ZNF33A: variants seen among roughly 807,000 people sequenced by gnomAD.
ZNF33A encodes brain my041 protein.
ZNF33A carries 9 observed loss-of-function variants against 15.9 expected under a neutral mutation model. The observed-to-expected ratio is 0.57, with a 90% CI of 0.34 to 0.99. The LOEUF (loss-of-function observed/expected upper bound fraction) is 0.99. ZNF33A is among the 50% of genes least tolerant of loss of function. The pLI, the probability that ZNF33A is intolerant of heterozygous loss-of-function variation, is 0.02. For synonymous variants in ZNF33A, 294 were observed against 324.2 expected (o/e 0.91, Z 1.00); for missense variants, 843 against 941.6 (o/e 0.90, Z 1.37).
intron 4 of ZNF33A, among the ~76,000 whole-genome samples, chr10:38,047,305 T>C (rs2065989300): frequency 6.9e-6 from 1 of 144,296 alleles, no homozygotes; most frequent in Non-Finnish European, 1.5e-5. Flanking sequence ...GCCATCCAAA[T>C]GAAACAGAGA....
chr10:38,054,448 C>T lies in ZNF33A; in HGVS notation c.324C>T (p.Phe108=). 4.3e-6 allele frequency: 7 copies of T among 1,609,280 alleles called. No homozygotes were observed. The highest frequency in any genetic ancestry group is 5.1e-6 in the Non-Finnish European group (6 of 1,178,534). ...NQSKHLWEVV[F]INNEMLTKEQ... is the part of the protein sequence containing the mutation. ...CTAAACATTTGTGGGAAGTTGTATT[C>T]ATCAATAATGAAATGCTGACTAAGG... Residue 108 remains phenylalanine (F), a synonymous_variant, in exon 5 of 5, where the codon TTC becomes TTT. Coordinates refer to ENST00000432900, the MANE Select transcript of ZNF33A (RefSeq NM_006954.2).
downstream of ZNF33A, chr10:38,060,132 C>T (rs2066637607): frequency 1.1e-6 from 1 of 943,950 alleles, no homozygotes. Context: ...TGTAAATCAT[C>T]ATTAGTGAAC....
chr10:38,064,105 G>T, downstream of ZNF33A: 1 of 1,597,758 alleles, frequency 6.3e-7, no homozygotes. Context: ...AGATGCTCAT[G>T]CCCTTGGATT....
chr10:38,057,047 G>A lies in ZNF33A; in HGVS notation c.*487G>A. The A allele has an allele frequency of 1.4e-5, 10 of 690,996 alleles. No homozygotes were observed. The highest frequency in any genetic ancestry group is 1.6e-5 in the Non-Finnish European group (9 of 560,182). The allele number at this position is 690,996 out of a possible 1,614,324, so 42.8% of individuals were successfully genotyped here. A position where few individuals can be genotyped will look rare whatever the true frequency, so the allele number is the denominator to read the frequency against. On this transcript the variant is annotated 3_prime_UTR_variant, in exon 5 of 5. Coordinates refer to ENST00000432900, the MANE Select transcript of ZNF33A (RefSeq NM_006954.2). ...AATCATAGTATATGGTCAAGTCCAA[G>A]AAATCGATGTTACCTTGCTGGTAGA...
chr10:38,066,542 G>A (rs551129493), downstream of ZNF33A, among the ~76,000 whole-genome samples: 8 of 150,854 alleles, frequency 5.3e-5, no homozygotes, highest in African/African-American at 1.7e-4. Context: ...ATGAGCCACC[G>A]CACCCAGCCG....
At chr10:38,015,272 T>C (rs2064396043) in intron 2 of ZNF33A, among the ~76,000 whole-genome samples, 2 of 152,128 alleles carry the variant, frequency 1.3e-5, no homozygotes, top group Middle Eastern at 3.2e-3. Context: ...TAAATGTCTT[T>C]GTAGTCCTTG....
intron 4 of ZNF33A, among the ~76,000 whole-genome samples, chr10:38,048,767 T>A (rs1015018241): frequency 1.3e-5 from 2 of 152,138 alleles, no homozygotes; most frequent in Non-Finnish European, 1.5e-5. Flanking sequence ...TACAAAATAT[T>A]TGAAGCAAAA....
chr10:38,025,773 C>T (rs1228006529), intron 4 of ZNF33A, among the ~76,000 whole-genome samples: 1 of 152,202 alleles, frequency 6.6e-6, no homozygotes, highest in Non-Finnish European at 1.5e-5. Context: ...TTTAACGTAT[C>T]TTGTTTTGTG....
At chr10:38,011,163 G>C (rs1357609519) in intron 1 of ZNF33A, among the ~76,000 whole-genome samples, 1 of 152,234 alleles carries the variant, frequency 6.6e-6, no homozygotes, top group African/African-American at 2.4e-5. Context: ...CGGCAGACTC[G>C]GTTGCACGTA....
chr10:38,063,954 G>C (rs1192527544), downstream of ZNF33A: 2 of 713,940 alleles, frequency 2.8e-6, no homozygotes, highest in Admixed American at 2.6e-5. Context: ...TCCACTGCCT[G>C]GTGTCTGTGG....
chr10:38,055,395 A>G lies in ZNF33A; in HGVS notation c.1271A>G (p.Gln424Arg). 3 of 1,614,164 alleles carry G rather than the reference A, an allele frequency of 1.9e-6. No individual in the cohort carries two copies. Among genetic ancestry groups the G allele is most frequent in the Non-Finnish European group, 2.5e-6 (3 of 1,180,024 alleles). Residue 424 changes from glutamine to arginine, a missense_variant, in exon 5 of 5, where the codon CAG becomes CGG. By Grantham distance (43) the Gln-to-Arg change is conservative. Transcript: ENST00000432900. The part of the protein sequence containing the change: ...QCNACGKTFC[Q>R]KSDLTKHQRT... ...AATGCGTGTGGGAAAACTTTTTGCC[A>G]GAAATCTGACCTCACTAAACATCAG...
rs1005838412 is a variant in ZNF33A, at chr10:38,057,957, C to A, written c.*1397C>A. 1 of 985,384 alleles carries A rather than the reference C, an allele frequency of 1.0e-6. No homozygotes were observed. The allele number at this position is 985,384 out of a possible 1,614,324, so 61.0% of individuals were successfully genotyped here. A position where few individuals can be genotyped will look rare whatever the true frequency, so the allele number is the denominator to read the frequency against. ...AGGAGGGTTGAGGCTGGAGCAGAACCAGAATCAAGCTGGTGTGGGGCTTTT... is the reference window on the plus strand; with the variant it reads ...AGGAGGGTTGAGGCTGGAGCAGAACAAGAATCAAGCTGGTGTGGGGCTTTT... On this transcript the variant is annotated 3_prime_UTR_variant, in exon 5 of 5. Coordinates refer to ENST00000432900, the MANE Select transcript of ZNF33A (RefSeq NM_006954.2).
At chr10:38,021,029 G>C (rs539216304) in intron 4 of ZNF33A, among the ~76,000 whole-genome samples, 4 of 152,080 alleles carry the variant, frequency 2.6e-5, no homozygotes, top group Non-Finnish European at 5.9e-5. Context: ...GTCTTCCTGC[G>C]GGGGGAGTGG....
intron 4 of ZNF33A, among the ~76,000 whole-genome samples, chr10:38,027,784 A>T (rs1242925210): frequency 1.3e-5 from 2 of 152,048 alleles, no homozygotes; most frequent in Non-Finnish European, 2.9e-5. Flanking sequence ...ACGACCCTTT[A>T]TTCATATATA....
intron 4 of ZNF33A, among the ~76,000 whole-genome samples, chr10:38,035,310 G>A (rs1456068927): frequency 6.6e-6 from 1 of 151,646 alleles, no homozygotes; most frequent in Non-Finnish European, 1.5e-5. Flanking sequence ...AAGAGATGGG[G>A]TTTTGCCATG....
In ZNF33A at chr10:38,057,638, A is replaced by T. The variant is rs1590724457; in HGVS notation, c.*1078A>T. On this transcript the variant is annotated 3_prime_UTR_variant, in exon 5 of 5. Transcript: ENST00000432900. ...TATAAATCAAAATAACAAATTATCT[A>T]AAAAAAATCTATCCTGTACATGTGA... 1.0e-6 allele frequency: 1 copy of T among 984,444 alleles called. No homozygotes were observed. The allele number at this position is 984,444 out of a possible 1,614,324, so 61.0% of individuals were successfully genotyped here. A position where few individuals can be genotyped will look rare whatever the true frequency, so the allele number is the denominator to read the frequency against.
At chr10:38,032,375 T>C (rs1384157104) in intron 4 of ZNF33A, among the ~76,000 whole-genome samples, 4 of 152,222 alleles carry the variant, frequency 2.6e-5, no homozygotes, top group Non-Finnish European at 4.4e-5. Context: ...ACTGTACTCT[T>C]CACCAATTTT....
intron 4 of ZNF33A, among the ~76,000 whole-genome samples, chr10:38,029,483 C>A (rs947353628): frequency 1.2e-4 from 19 of 152,168 alleles, no homozygotes; most frequent in African/African-American, 4.1e-4. Context: ...TTTGAAGTCG[C>A]CTTTTTCCTG....
At chr10:38,017,270 T>G (rs756558048) in intron 3 of ZNF33A, 21 bp from the exon 4 acceptor site, 1 of 1,610,128 alleles carries the variant, frequency 6.2e-7, no homozygotes, top group African/African-American at 1.3e-5. Flanking sequence ...GTCCAAATCC[T>G]AAATTATTTC....
Sources: allele counts gnomAD v4.1 joint callset (sites outside exome capture counted in the v4.1 genomes callset), GRCh38; gene constraint gnomAD v4.1.1; transcripts MANE v1.5; gene names NCBI Gene and HGNC (gene_info 2026-07-23, HGNC 2026-07-21).